LSAMP: variants seen among roughly 807,000 people sequenced by gnomAD.
LSAMP encodes limbic system-associated membrane protein.
Under a neutral mutation model 38.6 loss-of-function variants are expected in LSAMP, and 7 were observed. That is an observed-to-expected ratio of 0.18 (90% CI 0.10 to 0.34). The LOEUF is 0.34. Ranked by LOEUF, LSAMP falls within the 10% of genes least tolerant of loss-of-function variation. The pLI is 1.00. For missense variants in LSAMP, 313 were observed against 420.0 expected (o/e 0.75, Z 2.23); for synonymous variants, 154 against 166.8 (o/e 0.92, Z 0.59).
chr3:115,939,576 C>CTTTCTTTA (rs1937835710), intron 3 of LSAMP, among the ~76,000 whole-genome samples: 2 of 148,024 alleles, frequency 1.4e-5, no homozygotes, highest in South Asian at 2.2e-4. Context: ...TTCTTTCTTT[C>CTTTCTTTA]TTTCTTTCTG....
chr3:115,813,229 C>T (rs371193220), intron 6 of LSAMP, among the ~76,000 whole-genome samples: 65 of 152,154 alleles, frequency 4.3e-4, no homozygotes, highest in African/African-American at 1.4e-3. Context: ...ACCACGTATA[C>T]AAAGGAGGTC....
chr3:116,077,912 C>T (rs1707782437), intron 2 of LSAMP, among the ~76,000 whole-genome samples: 1 of 152,192 alleles, frequency 6.6e-6, no homozygotes, highest in African/African-American at 2.4e-5. Flanking sequence ...TATTATTAGA[C>T]TCAGGTTCTA....
At chr3:116,420,219 T>C (rs905468657) in intron 1 of LSAMP, among the ~76,000 whole-genome samples, 9 of 151,842 alleles carry the variant, frequency 5.9e-5, no homozygotes, top group African/African-American at 2.2e-4. Context: ...TGCCTCAGCC[T>C]CCCAAGTAGC....
intron 2 of LSAMP, among the ~76,000 whole-genome samples, chr3:116,081,229 T>G (rs1707863833): frequency 6.6e-6 from 1 of 152,112 alleles, no homozygotes; most frequent in Non-Finnish European, 1.5e-5. Flanking sequence ...TTTGGGAGGC[T>G]GAGGCGGGTG....
At position 115,807,052 on chromosome 3, in the gene LSAMP, C is replaced by T. The variant is rs1297916879; in HGVS notation, c.*3265G>A. The T allele has an allele frequency of 6.6e-6, 1 of 152,090 alleles. No homozygotes were observed. Among genetic ancestry groups the T allele is most frequent in the Non-Finnish European group, 1.5e-5 (1 of 68,024 alleles). The allele number at this position is 152,090 out of a possible 1,614,324, so 9.4% of individuals were successfully genotyped here. On this transcript the variant is annotated 3_prime_UTR_variant, in exon 7 of 7. Transcript: ENST00000490035. ...CTCAGATTAATTGATGAATTTCACT[C>T]CTCTCAGTATATTATTTCCAACCAG... is the stretch of plus-strand genomic sequence containing the variant.
At chr3:116,370,370 T>C (rs2048414290) in intron 1 of LSAMP, among the ~76,000 whole-genome samples, 1 of 152,190 alleles carries the variant, frequency 6.6e-6, no homozygotes, top group Non-Finnish European at 1.5e-5. Flanking sequence ...AATCTGTCCC[T>C]TTACCAGATA....
chr3:116,436,115 G>A (rs1351069531), intron 1 of LSAMP, among the ~76,000 whole-genome samples: 1 of 152,162 alleles, frequency 6.6e-6, no homozygotes. Flanking sequence ...GTGGGGAAAG[G>A]ACACCCTTTT....
chr3:116,257,191 G>A (rs900193016), intron 1 of LSAMP, among the ~76,000 whole-genome samples: 1 of 152,116 alleles, frequency 6.6e-6, no homozygotes, highest in Non-Finnish European at 1.5e-5. Context: ...GGACCCAAGC[G>A]TTATAGTTAC....
At chr3:115,821,990 T>C (rs1240311419) in intron 6 of LSAMP, among the ~76,000 whole-genome samples, 2 of 152,248 alleles carry the variant, frequency 1.3e-5, no homozygotes, top group African/African-American at 4.8e-5. Flanking sequence ...TTTTTATTAA[T>C]TCAATTTTCA....
intron 1 of LSAMP, among the ~76,000 whole-genome samples, chr3:116,098,124 C>G (rs567706284): frequency 6.6e-5 from 10 of 152,244 alleles, no homozygotes; most frequent in South Asian, 2.1e-4. Flanking sequence ...TATAATCAAA[C>G]AGATCTATCA....
intron 3 of LSAMP, among the ~76,000 whole-genome samples, chr3:115,872,364 G>A (rs1319237823): frequency 6.6e-6 from 1 of 152,068 alleles, no homozygotes; most frequent in Non-Finnish European, 1.5e-5. Context: ...GGGCAGGTTT[G>A]GCTGCCCCAT....
At chr3:116,085,929 C>CAGAT (rs1707979354) in intron 2 of LSAMP, among the ~76,000 whole-genome samples, 1 of 152,206 alleles carries the variant, frequency 6.6e-6, no homozygotes, top group South Asian at 2.1e-4. Context: ...AGGGTGAGGA[C>CAGAT]AGATAAACCC....
chr3:115,869,288 G>GAGAGAGAGAGAGAGAC (rs1935955074), intron 3 of LSAMP, among the ~76,000 whole-genome samples: 1 of 151,820 alleles, frequency 6.6e-6, no homozygotes, highest in Non-Finnish European at 1.5e-5. Flanking sequence ...GAGAGAGAGA[G>GAGAGAGAGAGAGAGAC]AGAGAGAGAG....
chr3:116,423,716 C>T (rs1157944142), intron 1 of LSAMP, among the ~76,000 whole-genome samples: 1 of 152,150 alleles, frequency 6.6e-6, no homozygotes, highest in Non-Finnish European at 1.5e-5. Context: ...AGAGCGAGTA[C>T]TGAACATAGC....
intron 1 of LSAMP, among the ~76,000 whole-genome samples, chr3:116,257,948 A>G (rs1051217264): frequency 6.6e-6 from 1 of 152,164 alleles, no homozygotes; most frequent in Admixed American, 6.5e-5. Flanking sequence ...ATGACTCAGA[A>G]TTTTGCAGTG....
chr3:115,828,920 G>A (rs566292493), intron 6 of LSAMP, among the ~76,000 whole-genome samples: 1 of 152,292 alleles, frequency 6.6e-6, no homozygotes. Flanking sequence ...AAGGCTGACT[G>A]GTGCAGGCAG....
At chr3:116,068,734 C>T (rs1250140766) in intron 2 of LSAMP, among the ~76,000 whole-genome samples, 1 of 152,188 alleles carries the variant, frequency 6.6e-6, no homozygotes, top group Non-Finnish European at 1.5e-5. Context: ...GCATCCTCTC[C>T]TGTGAACTTG....
In LSAMP at chr3:115,810,370, C is replaced by T. The variant is rs1490214068; in HGVS notation, c.964G>A (p.Val322Ile). Residue 322 changes from valine (V) to isoleucine (I), a missense_variant, in exon 7 of 7, where the codon GTA becomes ATA. Transcript: ENST00000490035. ...RGINGSISLA[V>I]PLWLLAASLL... ...GATGCTGCCAGCAGCCACAGTGGTACGGCCAGACTGATGGATCCATTTATT... is the reference window on the plus strand; with the variant it reads ...GATGCTGCCAGCAGCCACAGTGGTATGGCCAGACTGATGGATCCATTTATT... 1.8e-5 allele frequency: 29 copies of T among 1,613,648 alleles called. No individual in the cohort carries two copies. Among genetic ancestry groups the T allele is most frequent in the Middle Eastern group, 1.7e-4 (1 of 6,054 alleles).
chr3:115,923,694 C>G lies in LSAMP; in HGVS notation c.515-71077G>C, dbSNP rs150284391. On this transcript the variant is annotated intron_variant, in intron 3 of 6. Coordinates refer to ENST00000490035, the MANE Select transcript of LSAMP (RefSeq NM_002338.5). ...GTATATCATTCCTGAATACACTACA[C>G]TTCCATTTTTTTTATTGTCTCTCCT... Among the ~76,000 whole-genome samples, 251 of 152,254 alleles carry G rather than the reference C, an allele frequency of 1.6e-3. 1 individual carries two copies. The Middle Eastern group carries it at 0.041, about 25-fold the overall frequency.
Sources: allele counts gnomAD v4.1 joint callset (sites outside exome capture counted in the v4.1 genomes callset), GRCh38; gene constraint gnomAD v4.1.1; transcripts MANE v1.5; gene names NCBI Gene and HGNC (gene_info 2026-07-23, HGNC 2026-07-21).